PRKAG2: variants seen among roughly 807,000 people sequenced by gnomAD.
The protein encoded by PRKAG2 is 5'-AMP-activated protein kinase subunit gamma-2.
PRKAG2 carries 26 observed loss-of-function variants against 69.6 expected under a neutral mutation model. The ratio of observed to expected loss-of-function variants is 0.37; its 90% CI spans 0.27 to 0.52. The LOEUF (loss-of-function observed/expected upper bound fraction) is 0.52, where lower values mean the gene tolerates loss of function less well. PRKAG2 is among the 20% of genes least tolerant of loss of function. The pLI is 0.90. For missense variants in PRKAG2, 557 were observed against 740.0 expected, an observed-to-expected ratio of 0.75 and a Z score of 2.87; for synonymous variants, 293 against 285.0, an observed-to-expected ratio of 1.03 and a Z score of -0.28.
chr7:151,602,376 A>C (rs1405122076), intron 5 of PRKAG2, among the ~76,000 whole-genome samples: 3 of 152,228 alleles, frequency 2.0e-5, no homozygotes, highest in Non-Finnish European at 2.9e-5. Context: ...TTCATAAAAG[A>C]GGTACACATA....
intron 6 of PRKAG2, among the ~76,000 whole-genome samples, chr7:151,577,324 T>TACC (rs1809207768): frequency 1.3e-5 from 2 of 152,242 alleles, no homozygotes; most frequent in Admixed American, 6.5e-5. Flanking sequence ...TCTTTTGGGA[T>TACC]ACCATAAGGT....
Position 151,632,334 on chromosome 7 carries a change from G to A in PRKAG2, c.685-196C>T, listed in dbSNP as rs1351101461. On this transcript the variant is annotated intron_variant, in intron 4 of 15. Transcript: ENST00000287878. This position sits in a 1 kb window ranked among gnomAD's most constrained non-coding sequence, Gnocchi z 4.2. ...CCACCCGCCCGAGGCCGCCGCCGCC[G>A]CCGCAGGTGGCGCGGCCGCGGCCCG... is the stretch of plus-strand genomic sequence containing the variant. 12 of 685,024 alleles carry A rather than the reference G, an allele frequency of 1.8e-5. No individual in the cohort carries two copies. The highest frequency in any genetic ancestry group is 2.0e-5 in the Non-Finnish European group (11 of 558,514). 42.4% of individuals were successfully genotyped at this position (685,024 alleles called of 1,614,324 possible).
At chr7:151,797,053 C>G (rs928698127) in intron 1 of PRKAG2, among the ~76,000 whole-genome samples, 1 of 152,318 alleles carries the variant, frequency 6.6e-6, no homozygotes, top group Middle Eastern at 3.4e-3. Flanking sequence ...AGGCCCCACA[C>G]CCGGCCCGGC....
chr7:151,561,309 A>T (rs1403435290), intron 14 of PRKAG2, among the ~76,000 whole-genome samples: 1 of 152,224 alleles, frequency 6.6e-6, no homozygotes, highest in African/African-American at 2.4e-5. Flanking sequence ...AACTGTTTTA[A>T]TTTCTAAAAG....
intron 5 of PRKAG2, 98 bp downstream of exon 5, chr7:151,631,971 G>T: frequency 9.2e-7 from 1 of 1,084,588 alleles, no homozygotes; most frequent in Non-Finnish European, 1.1e-6. Flanking sequence ...TCGCCGTGGG[G>T]CAGCGCCGGA....
intron 2 of PRKAG2, among the ~76,000 whole-genome samples, chr7:151,782,656 C>A (rs79748652): frequency 0.011 from 1,720 of 152,328 alleles, 13 homozygotes; most frequent in Non-Finnish European, 0.019. Flanking sequence ...TATTTGGCCC[C>A]TGCTCTGCCA....
In PRKAG2 at chr7:151,740,345, C is replaced by T. The variant is rs1272874569; in HGVS notation, c.466+40807G>A. Among the ~76,000 whole-genome samples the T allele has an allele frequency of 2.0e-5, 3 of 152,246 alleles. No individual in the cohort carries two copies. The South Asian group carries it at 6.2e-4, about 31-fold the overall frequency. On this transcript the variant is annotated intron_variant, in intron 3 of 15. Coordinates refer to ENST00000287878, the MANE Select transcript of PRKAG2 (RefSeq NM_016203.4). The stretch of plus-strand genomic sequence containing the variant: ...TCAGCTCCTCTCAGAGAAACCCTCC[C>T]TCAGACCTCTGTCTTGGGTCAGGGA...
chr7:151,620,027 AAAAAAT>A (rs556918279), intron 5 of PRKAG2, among the ~76,000 whole-genome samples: 14 of 152,152 alleles, frequency 9.2e-5, no homozygotes, highest in African/African-American at 2.4e-4. Context: ...TCTCAAAAAT[AAAAAAT>A]AAAAATAAAA....
At chr7:151,582,493 C>G (rs1232505054) in intron 6 of PRKAG2, among the ~76,000 whole-genome samples, 1 of 152,146 alleles carries the variant, frequency 6.6e-6, no homozygotes, top group African/African-American at 2.4e-5. Context: ...AGTGAAGCAG[C>G]AGTTCAATGG....
At chr7:151,726,591 T>C (rs143286264) in intron 3 of PRKAG2, among the ~76,000 whole-genome samples, 1 of 152,228 alleles carries the variant, frequency 6.6e-6, no homozygotes, top group East Asian at 1.9e-4. Context: ...GGAGTCGTTG[T>C]CTGGGCAGAC....
At position 151,631,647 on chromosome 7, in the gene PRKAG2, C is replaced by G. The variant is rs1359999626; in HGVS notation, c.754+422G>C. 9.6e-5 allele frequency: 44 copies of G among 456,140 alleles called. No individual in the cohort carries two copies. In the Admixed American group the frequency reaches 9.9e-4, roughly 10 times the overall value. 28.3% of individuals were successfully genotyped at this position (456,140 alleles called of 1,614,324 possible). A position where few individuals can be genotyped will look rare whatever the true frequency, so the allele number is the denominator to read the frequency against. On this transcript the variant is annotated intron_variant, in intron 5 of 15. Coordinates refer to ENST00000287878, the MANE Select transcript of PRKAG2 (RefSeq NM_016203.4). ...AGAAGACACACCCTACCGGTCATAT[C>G]TTCACAGGCGCAGATAAGGGCACCA...
At chr7:151,873,436 A>T (rs1402410246) in intron 1 of PRKAG2, among the ~76,000 whole-genome samples, 2 of 152,178 alleles carry the variant, frequency 1.3e-5, no homozygotes, top group East Asian at 3.9e-4. Flanking sequence ...TCATTTTCCC[A>T]GCGAGGTTAT....
chr7:151,708,835 T>C (rs1038091324), intron 3 of PRKAG2, among the ~76,000 whole-genome samples: 2 of 152,218 alleles, frequency 1.3e-5, no homozygotes, highest in African/African-American at 4.8e-5. Context: ...GCCAACAGCC[T>C]GGTGCTGCCA....
intron 4 of PRKAG2, among the ~76,000 whole-genome samples, chr7:151,652,531 C>T (rs112665146): frequency 6.0e-5 from 9 of 151,230 alleles, no homozygotes; most frequent in African/African-American, 2.2e-4. Flanking sequence ...TTTTTCTTTT[C>T]TTGTTTTGCT....
chr7:151,711,716 A>C (rs902621468), intron 3 of PRKAG2, among the ~76,000 whole-genome samples: 6 of 152,236 alleles, frequency 3.9e-5, no homozygotes, highest in African/African-American at 1.4e-4. Flanking sequence ...AAATGTGTTG[A>C]AGGAACGAGG....
intron 1 of PRKAG2, among the ~76,000 whole-genome samples, chr7:151,859,680 T>C (rs924746990): frequency 6.6e-6 from 1 of 152,166 alleles, no homozygotes; most frequent in African/African-American, 2.4e-5. Flanking sequence ...CTTGGCGCCA[T>C]CAGAAGCTGA....
At position 151,836,826 on chromosome 7, in the gene PRKAG2, G is replaced by T. The variant is rs1386222441; in HGVS notation, c.114+39681C>A. 3.9e-5 allele frequency among the ~76,000 whole-genome samples: 6 copies of T among 152,134 alleles called. No homozygotes were observed. Among genetic ancestry groups the T allele is most frequent in the Non-Finnish European group, 8.8e-5 (6 of 68,026 alleles). Reference sequence around the variant, plus strand: ...AATGTCCTGTGACAAATTCACTTAGGACTAAGAAGCCACTGAGAATATTCA... The same window carrying T: ...AATGTCCTGTGACAAATTCACTTAGTACTAAGAAGCCACTGAGAATATTCA... On this transcript the variant is annotated intron_variant, in intron 1 of 15. Coordinates refer to ENST00000287878, the MANE Select transcript of PRKAG2 (RefSeq NM_016203.4). The surrounding 1 kb of genome is among the most constrained non-coding windows in gnomAD (Gnocchi z 4.1).
intron 3 of PRKAG2, among the ~76,000 whole-genome samples, chr7:151,731,364 G>A (rs1798890606): frequency 6.6e-6 from 1 of 152,222 alleles, no homozygotes; most frequent in Non-Finnish European, 1.5e-5. Context: ...GCACTCCTGA[G>A]TCAGAGCTTC....
At chr7:151,806,630 A>C in intron 1 of PRKAG2, 1 of 176,708 alleles carries the variant, frequency 5.7e-6, no homozygotes, top group Non-Finnish European at 1.2e-5. Context: ...AAAATTTAGG[A>C]TCAATGGGAG....
Sources: gnomAD v4.1 joint callset for allele counts (sites outside exome capture counted in the v4.1 genomes callset) on GRCh38, gnomAD v4.1.1 for gene constraint, Gnocchi (gnomAD v3.1) non-coding constraint, MANE v1.5 for transcripts, NCBI Gene and HGNC (gene_info 2026-07-23, HGNC 2026-07-21) for gene names.